The following CDH13 variants were observed in gnomAD, a reference collection of about 807,000 sequenced individuals.
CDH13 encodes cadherin-13.
Under a neutral mutation model 63.8 loss-of-function variants are expected in CDH13, and 24 were observed. The observed-to-expected ratio is 0.38, with a 90% CI of 0.27 to 0.53. The LOEUF is 0.53. Ranked by LOEUF, CDH13 falls within the 20% of genes least tolerant of loss-of-function variation. CDH13 has a pLI of 0.85. For synonymous variants in CDH13, 503 were observed against 355.3 expected (o/e 1.42, Z -4.67); for missense variants, 1,049 against 903.1 (o/e 1.16, Z -2.07).
chr16:83,698,639 ACTGATCTT>A (rs1567525414), intron 10 of CDH13, among the ~76,000 whole-genome samples: 1 of 152,108 alleles, frequency 6.6e-6, no homozygotes, highest in East Asian at 1.9e-4. Flanking sequence ...CTTAGCCCTA[ACTGATCTT>A]ATGATCTAGC....
At chr16:83,322,345 G>A (rs2090249375) in intron 5 of CDH13, among the ~76,000 whole-genome samples, 2 of 152,198 alleles carry the variant, frequency 1.3e-5, no homozygotes, top group South Asian at 4.1e-4. Context: ...AGCAGCCAGA[G>A]AACATAAATG....
chr16:83,034,851 G>A (rs184432476), intron 3 of CDH13, among the ~76,000 whole-genome samples: 2 of 152,264 alleles, frequency 1.3e-5, no homozygotes, highest in Admixed American at 1.3e-4. Flanking sequence ...GCCATCCAGA[G>A]ACAAAGCTCC....
chr16:82,807,357 G>A (rs1032618304), intron 1 of CDH13, among the ~76,000 whole-genome samples: 5 of 152,156 alleles, frequency 3.3e-5, no homozygotes, highest in Non-Finnish European at 5.9e-5. Flanking sequence ...GTTGACTGAA[G>A]AAATGAGATA....
chr16:83,246,044 C>G (rs894157584), intron 5 of CDH13, among the ~76,000 whole-genome samples: 2 of 152,160 alleles, frequency 1.3e-5, no homozygotes, highest in Non-Finnish European at 2.9e-5. Flanking sequence ...GCCCAAATTC[C>G]TATTTCTTGT....
chr16:83,724,343 C>A (rs1240937003), intron 10 of CDH13, among the ~76,000 whole-genome samples: 6 of 72,532 alleles, frequency 8.3e-5, no homozygotes, highest in African/African-American at 1.8e-4. Flanking sequence ...GAATGCATGG[C>A]TGAGTGATGA....
At chr16:83,533,703 C>T (rs1305835406) in intron 7 of CDH13, among the ~76,000 whole-genome samples, 1 of 150,750 alleles carries the variant, frequency 6.6e-6, no homozygotes, top group Non-Finnish European at 1.5e-5. Flanking sequence ...TCACTGCAAC[C>T]TCCACCTCCT....
intron 13 of CDH13, among the ~76,000 whole-genome samples, chr16:83,788,719 G>C (rs1012925906): frequency 3.9e-5 from 6 of 152,196 alleles, no homozygotes; most frequent in Admixed American, 1.3e-4. Context: ...AGGTACACTA[G>C]CTGTGAAATA....
chr16:83,600,987 G>A (rs1474229163), intron 7 of CDH13, among the ~76,000 whole-genome samples: 1 of 152,000 alleles, frequency 6.6e-6, no homozygotes, highest in Non-Finnish European at 1.5e-5. Flanking sequence ...AGCTCCCCCT[G>A]CCAAATGCTT....
At chr16:82,840,634 G>A (rs112334539) in intron 1 of CDH13, among the ~76,000 whole-genome samples, 1,475 of 145,016 alleles carry the variant, frequency 0.01, 25 homozygotes, top group African/African-American at 0.034. Context: ...GCAGTGAGCT[G>A]AGACCACCCC....
intron 6 of CDH13, among the ~76,000 whole-genome samples, chr16:83,394,203 A>G (rs954914278): frequency 2.6e-5 from 4 of 152,082 alleles, no homozygotes; most frequent in African/African-American, 9.7e-5. Context: ...ACACAAGTTT[A>G]CCTATATAGC....
chr16:82,947,599 A>C (rs1433258203), intron 2 of CDH13, among the ~76,000 whole-genome samples: 1 of 152,230 alleles, frequency 6.6e-6, no homozygotes, highest in Non-Finnish European at 1.5e-5. Flanking sequence ...ATTTTAAAAG[A>C]ACTCTTTATT....
At chr16:83,313,626 A>G (rs1434050776) in intron 5 of CDH13, among the ~76,000 whole-genome samples, 1 of 150,368 alleles carries the variant, frequency 6.7e-6, no homozygotes, top group Non-Finnish European at 1.5e-5. Flanking sequence ...AATGACTCTC[A>G]AGAACCCTTA....
At chr16:83,256,775 G>A (rs747405814) in intron 5 of CDH13, among the ~76,000 whole-genome samples, 1 of 149,902 alleles carries the variant, frequency 6.7e-6, no homozygotes, top group Admixed American at 6.7e-5. Flanking sequence ...AACCCAGGAG[G>A]CGGAGCTTGC....
At chr16:83,695,776 C>T (rs141736206) in intron 10 of CDH13, among the ~76,000 whole-genome samples, 1 of 152,212 alleles carries the variant, frequency 6.6e-6, no homozygotes, top group East Asian at 1.9e-4. Flanking sequence ...ATTAATACTT[C>T]GGACACAACT....
chr16:83,110,237 A>G (rs1247974962), intron 3 of CDH13, among the ~76,000 whole-genome samples: 1 of 152,120 alleles, frequency 6.6e-6, no homozygotes, highest in Non-Finnish European at 1.5e-5. Flanking sequence ...CGTTCTGATC[A>G]CTCCATCAAC....
chr16:83,544,802 G>A (rs1205844128), intron 7 of CDH13, among the ~76,000 whole-genome samples: 2 of 152,206 alleles, frequency 1.3e-5, no homozygotes, highest in Non-Finnish European at 2.9e-5. Flanking sequence ...TCTGCAAAAT[G>A]AGGATTTATA....
At chr16:83,221,894 C>G (rs899202203) in intron 5 of CDH13, among the ~76,000 whole-genome samples, 1 of 152,158 alleles carries the variant, frequency 6.6e-6, no homozygotes, top group Non-Finnish European at 1.5e-5. Context: ...CAAGAATTCC[C>G]TAGATCCCTG....
chr16:82,702,058 C>T (rs1351812885), intron 1 of CDH13, among the ~76,000 whole-genome samples: 1 of 152,192 alleles, frequency 6.6e-6, no homozygotes, highest in African/African-American at 2.4e-5. Context: ...TCCAACTCAC[C>T]TTTCCCACTT....
chr16:83,602,826 A>G (rs750004212), intron 8 of CDH13, among the ~76,000 whole-genome samples: 7 of 152,240 alleles, frequency 4.6e-5, no homozygotes, highest in Non-Finnish European at 4.4e-5. Context: ...AATCTTGTTA[A>G]AGTCCATAAG....
Sources: allele counts gnomAD v4.1 joint callset (sites outside exome capture counted in the v4.1 genomes callset), GRCh38; gene constraint gnomAD v4.1.1; transcripts MANE v1.5; gene names NCBI Gene and HGNC (gene_info 2026-07-23, HGNC 2026-07-21).